SUPV3L1: variants seen among roughly 807,000 people sequenced by gnomAD.
SUPV3L1 encodes the protein Suv3 like RNA helicase.
In SUPV3L1, 35 loss-of-function variants were observed where a neutral mutation model predicts 70.0. The observed-to-expected ratio is 0.50, with a 90% CI of 0.38 to 0.66. The LOEUF is 0.66. SUPV3L1 is among the 30% of genes least tolerant of loss of function. The probability of loss-of-function intolerance (pLI) is 0.00; values close to 1 mark genes in which losing one functional copy is unlikely to be tolerated. For missense variants in SUPV3L1, 777 were observed against 961.5 expected (o/e 0.81, Z 2.54); for synonymous variants, 364 against 341.9 (o/e 1.06, Z -0.71).
Position 69,208,684 on chromosome 10 carries a change from G to A in SUPV3L1, c.2010G>A (p.Val670=). ...TAGATGGTATTATCCAAGATGGTGT[G>A]CACAATATCACTAAATTGATTAAAA... ...KELDGIIQDG[V]HNITKLIKMS... is the part of the protein sequence containing the mutation. Residue 670 remains valine (V), a synonymous_variant, in exon 15 of 15, where the codon GTG becomes GTA. Coordinates refer to ENST00000359655, the MANE Select transcript of SUPV3L1 (RefSeq NM_003171.5). 2 of 1,614,178 alleles carry A rather than the reference G, an allele frequency of 1.2e-6. No individual in the cohort carries two copies. Among genetic ancestry groups the A allele is most frequent in the South Asian group, 1.1e-5 (1 of 91,088 alleles).
chr10:69,195,769 G>T (rs1249730820), intron 7 of SUPV3L1, among the ~76,000 whole-genome samples: 4 of 152,010 alleles, frequency 2.6e-5, no homozygotes, highest in African/African-American at 7.2e-5. Context: ...TTGAGACAGG[G>T]TCTTGCTCTG....
intron 13 of SUPV3L1, 22 bp downstream of exon 13, chr10:69,203,065 A>AT: frequency 6.3e-7 from 1 of 1,583,042 alleles, no homozygotes; most frequent in Non-Finnish European, 8.6e-7. Flanking sequence ...TCTTTAAGCT[A>AT]TTTTGAGTTC....
intron 11 of SUPV3L1, 74 bp downstream of exon 11, chr10:69,200,573 C>T: frequency 7.8e-7 from 1 of 1,274,260 alleles, no homozygotes; most frequent in Non-Finnish European, 1.1e-6. Context: ...CATCCAGACT[C>T]TCACCTCAGA....
chr10:69,200,001 A>G (rs1482688963), intron 10 of SUPV3L1, among the ~76,000 whole-genome samples: 1 of 151,990 alleles, frequency 6.6e-6, no homozygotes, highest in African/African-American at 2.4e-5. Flanking sequence ...ACACCACTGA[A>G]CCTAGCTGAT....
chr10:69,181,213 G>A (rs1035944398), intron 1 of SUPV3L1, among the ~76,000 whole-genome samples: 1 of 152,184 alleles, frequency 6.6e-6, no homozygotes, highest in Non-Finnish European at 1.5e-5. Context: ...ACTTAAGTTT[G>A]GATGGATTCG....
chr10:69,187,664 A>G lies in SUPV3L1; in HGVS notation c.480A>G (p.Pro160=). Residue 160 remains proline, a synonymous_variant, in exon 4 of 15, where the codon CCA becomes CCG. Coordinates refer to ENST00000359655, the MANE Select transcript of SUPV3L1 (RefSeq NM_003171.5). ...CAGCTCATGCGGATGATTTATTCCC[A>G]TTTTTCTTGAGACATGCCAAACAAA... ...FGAAHADDLF[P]FFLRHAKQIF... 1.2e-6 allele frequency: 2 copies of G among 1,611,138 alleles called. No individual in the cohort carries two copies. The highest frequency in any genetic ancestry group is 2.2e-5 in the South Asian group (2 of 90,298).
rs377731377 is a variant in SUPV3L1 at position 69,200,267 on chromosome 10, A to G, written c.1299-13A>G. 1 of 1,608,066 alleles carries G rather than the reference A, an allele frequency of 6.2e-7. No homozygotes were observed. The highest frequency in any genetic ancestry group is 8.5e-7 in the Non-Finnish European group (1 of 1,175,716). ...TCATACAGTCTGCAGGATCACTTTT[A>G]TTTCTGTTTCAGGAGCATAAGGAGA... On this transcript the variant is annotated splice_polypyrimidine_tract_variant and intron_variant, in intron 10 of 14. Transcript: ENST00000359655.
chr10:69,200,625 C>A, intron 11 of SUPV3L1, 126 bp downstream of exon 11: 4 of 775,324 alleles, frequency 5.2e-6, no homozygotes, highest in East Asian at 2.8e-5. Flanking sequence ...AAATTTTGTG[C>A]CATGAAAACT....
rs1030074224 is a variant in SUPV3L1 at position 69,185,157 on chromosome 10, A to G, written c.272-830A>G. 4.6e-5 allele frequency among the ~76,000 whole-genome samples: 7 copies of G among 152,190 alleles called. No homozygotes were observed. The East Asian group carries it at 1.3e-3, about 29-fold the overall frequency. On this transcript the variant is annotated intron_variant, in intron 1 of 14. Transcript: ENST00000359655. ...CTTTTCACTGTTCTAATTGTTAGGAAGTTCTTGTATAAATTCCACTGAAAT... is the reference window on the plus strand; with the variant it reads ...CTTTTCACTGTTCTAATTGTTAGGAGGTTCTTGTATAAATTCCACTGAAAT...
At position 69,202,509 on chromosome 10, in the gene SUPV3L1, C is replaced by G. The variant is rs758048392; in HGVS notation, c.1589C>G (p.Ser530Cys). 1.4e-5 allele frequency: 23 copies of G among 1,612,284 alleles called. No homozygotes were observed. The highest frequency in any genetic ancestry group is 1.9e-5 in the Non-Finnish European group (22 of 1,178,822). ...TACCATCTCCCTGATGCAACACTGT[C>G]CAATCTCATTGTAAGTGGAAACTCC... ...FAYHLPDATL[S>C]NLIDIFVDFS... The change falls in exon 12 of 15, where the codon TCC (serine) becomes TGC (cysteine). Residue 530 changes from serine to cysteine, a missense_variant. Physicochemically the swap from Ser to Cys is moderately radical, Grantham distance 112. Coordinates refer to ENST00000359655, the MANE Select transcript of SUPV3L1 (RefSeq NM_003171.5).
Position 69,187,746 on chromosome 10 carries a change from C to T in SUPV3L1, c.562C>T (p.Pro188Ser). The T allele has an allele frequency of 6.3e-7, 1 of 1,595,994 alleles. No individual in the cohort carries two copies. Among genetic ancestry groups the T allele is most frequent in the East Asian group, 2.2e-5 (1 of 44,690 alleles). ...ACGTAAAATCAGTGACTTAAGAATA[C>T]CACCTAACTGGTTAGTTTCTCCATT... ...DLRKISDLRI[P>S]PNWYPDARAM... is the part of the protein sequence containing the mutation. Residue 188 changes from proline (P) to serine (S), a missense_variant, in exon 4 of 15, where the codon CCA becomes TCA. By Grantham distance (74) the Pro-to-Ser change is moderately conservative. Around this residue, in one of 2 missense-constraint regions of SUPV3L1, gnomAD observed 619 missense variants for 823.3 expected, o/e 0.75. Coordinates refer to ENST00000359655, the MANE Select transcript of SUPV3L1 (RefSeq NM_003171.5).
intron 14 of SUPV3L1, 42 bp from the exon 15 acceptor site, chr10:69,208,558 G>A (rs760228454): frequency 5.1e-6 from 8 of 1,573,634 alleles, no homozygotes; most frequent in East Asian, 2.2e-5. Flanking sequence ...CAGTGACTGC[G>A]ATAAGAGCTG....
chr10:69,191,797 T>C, intron 6 of SUPV3L1, 31 bp downstream of exon 6: 1 of 1,555,788 alleles, frequency 6.4e-7, no homozygotes, highest in Non-Finnish European at 8.8e-7. Context: ...AAACTATGGT[T>C]TGGTATTTTT....
intron 5 of SUPV3L1, among the ~76,000 whole-genome samples, chr10:69,189,952 A>G (rs1564702958): frequency 6.6e-6 from 1 of 152,178 alleles, no homozygotes; most frequent in Non-Finnish European, 1.5e-5. Context: ...AGCTCTATCA[A>G]TTCTTAAGAT....
At chr10:69,182,036 C>G (rs1842079955) in intron 1 of SUPV3L1, among the ~76,000 whole-genome samples, 1 of 149,846 alleles carries the variant, frequency 6.7e-6, no homozygotes. Flanking sequence ...GCTCTGTTAC[C>G]CAAGCTGGAG....
chr10:69,181,036 C>T (rs1386635792), intron 1 of SUPV3L1, among the ~76,000 whole-genome samples: 2 of 152,120 alleles, frequency 1.3e-5, no homozygotes, highest in Non-Finnish European at 2.9e-5. Flanking sequence ...GATCCAGATC[C>T]CCTCTTAAGA....
At position 69,196,977 on chromosome 10, in the gene SUPV3L1, G is replaced by A. The variant is rs1421167016; in HGVS notation, c.932-15G>A. ...TAAATCTTTAAAATTAAGAAACCCA[G>A]TTTTGCATTGACAGGACTGTGTGCT... On this transcript the variant is annotated splice_polypyrimidine_tract_variant and intron_variant, in intron 7 of 14. Coordinates refer to ENST00000359655, the MANE Select transcript of SUPV3L1 (RefSeq NM_003171.5). 1 of 1,611,450 alleles carries A rather than the reference G, an allele frequency of 6.2e-7. No homozygotes were observed. Among genetic ancestry groups the A allele is most frequent in the Admixed American group, 1.7e-5 (1 of 59,892 alleles).
intron 3 of SUPV3L1, among the ~76,000 whole-genome samples, chr10:69,187,176 C>G (rs147104701): frequency 6.6e-6 from 1 of 152,072 alleles, no homozygotes; most frequent in South Asian, 2.1e-4. Flanking sequence ...TAACTTTTGC[C>G]AATGCTAATC....
Position 69,186,070 on chromosome 10 carries a change from G to A in SUPV3L1, c.349+6G>A. On this transcript the variant is annotated splice_donor_region_variant and intron_variant, in intron 2 of 14. Transcript: ENST00000359655. ...TGCTGATTATGGACTTGATGGTAAG[G>A]CCCAAAACATCTTCATAGAGGTATT... 1 of 1,612,042 alleles carries A rather than the reference G, an allele frequency of 6.2e-7. No homozygotes were observed. Among genetic ancestry groups the A allele is most frequent in the Non-Finnish European group, 8.5e-7 (1 of 1,178,910 alleles).
Sources: allele counts gnomAD v4.1 joint callset (sites outside exome capture counted in the v4.1 genomes callset), GRCh38; gene constraint gnomAD v4.1.1; regional missense constraint gnomAD v4.1.1; transcripts MANE v1.5; gene names NCBI Gene and HGNC (gene_info 2026-07-23, HGNC 2026-07-21).